IQCH: variants seen among roughly 807,000 people sequenced by gnomAD.
The protein encoded by IQCH is IQ domain-containing protein H.
Under a neutral mutation model 117.0 loss-of-function variants are expected in IQCH, and 98 were observed. The observed-to-expected ratio is 0.84, with a 90% confidence interval of 0.71 to 0.99. IQCH has a LOEUF of 0.99. Among genes scored for constraint, IQCH ranks in the 50% least tolerant of loss-of-function variants. The probability of loss-of-function intolerance (pLI) is 0.00; values close to 1 mark genes in which losing one functional copy is unlikely to be tolerated. For missense variants in IQCH, 1,102 were observed against 1,243.8 expected (o/e 0.89, Z 1.72); for synonymous variants, 412 against 448.2 (o/e 0.92, Z 1.02).
rs534657112 is a variant in IQCH at position 67,405,299 on chromosome 15, T to C, written c.2097+4994T>C. On this transcript the variant is annotated intron_variant, in intron 14 of 20. Coordinates refer to ENST00000335894, the MANE Select transcript of IQCH (RefSeq NM_001031715.3). The surrounding 1 kb of genome is among the most constrained non-coding windows in gnomAD (Gnocchi z 4.8). ...ATCTTGATGTCTTAGATTATCTTTA[T>C]GTATTTAGTGGTTGCCAGAACACTG... The C allele has an allele frequency of 6.6e-6, 1 of 152,346 alleles. No homozygotes were observed. The highest frequency in any genetic ancestry group is 6.5e-5 in the Admixed American group (1 of 15,296). The allele number at this position is 152,346 out of a possible 1,614,324, so 9.4% of individuals were successfully genotyped here.
Position 67,289,896 on chromosome 15 carries a change from A to G in IQCH, c.387+10384A>G, listed in dbSNP as rs549139065. Among the ~76,000 whole-genome samples, 4 of 152,194 alleles carry G rather than the reference A, an allele frequency of 2.6e-5. No individual in the cohort carries two copies. The South Asian group carries it at 8.3e-4, about 32-fold the overall frequency. ...AAAACCAAACAATATATATTACACA[A>G]ACTTTCATGTAACAAAGTTTGAGTC... On this transcript the variant is annotated intron_variant, in intron 4 of 20. Coordinates refer to ENST00000335894, the MANE Select transcript of IQCH (RefSeq NM_001031715.3).
At chr15:67,419,744 T>G (rs1183108580) in intron 15 of IQCH, among the ~76,000 whole-genome samples, 1 of 152,102 alleles carries the variant, frequency 6.6e-6, no homozygotes, top group Non-Finnish European at 1.5e-5. Context: ...ATTCACAATT[T>G]TTTTGTAGAG....
At chr15:67,285,351 C>T (rs1001383982) in intron 4 of IQCH, among the ~76,000 whole-genome samples, 4 of 151,294 alleles carry the variant, frequency 2.6e-5, no homozygotes, top group Admixed American at 2.0e-4. Flanking sequence ...CATCCTTTGT[C>T]GGTTACATAG....
chr15:67,465,373 G>A lies in IQCH; in HGVS notation c.2676+76G>A, dbSNP rs2082905404. ...GCCACTGCCTGAGCTCTGTCTAGGA[G>A]CCAGGATCTTTGAGTACAGGAAGAA... On this transcript the variant is annotated intron_variant, in intron 17 of 20. Transcript: ENST00000335894. This position sits in a 1 kb window ranked among gnomAD's most constrained non-coding sequence, Gnocchi z 5.9. The A allele has an allele frequency of 6.8e-7, 1 of 1,466,248 alleles. No homozygotes were observed. Among genetic ancestry groups the A allele is most frequent in the Non-Finnish European group, 9.3e-7 (1 of 1,074,314 alleles). 90.8% of individuals were successfully genotyped at this position (1,466,248 alleles called of 1,614,324 possible).
At chr15:67,461,278 C>T (rs2082786086) in intron 16 of IQCH, among the ~76,000 whole-genome samples, 1 of 152,200 alleles carries the variant, frequency 6.6e-6, no homozygotes, top group African/African-American at 2.4e-5. Flanking sequence ...GGAGGAGGTG[C>T]TCAGTGAATA....
At chr15:67,322,195 T>C (rs1968167692) in intron 4 of IQCH, among the ~76,000 whole-genome samples, 1 of 152,232 alleles carries the variant, frequency 6.6e-6, no homozygotes, top group Non-Finnish European at 1.5e-5. Context: ...TAAGAAACTT[T>C]CATCTGTTTA....
chr15:67,324,474 G>A (rs1596183556), intron 4 of IQCH, among the ~76,000 whole-genome samples: 1 of 151,942 alleles, frequency 6.6e-6, no homozygotes, highest in African/African-American at 2.4e-5. Flanking sequence ...GCCAGGCGTG[G>A]TGGCACATGC....
chr15:67,461,054 A>T (rs1366030911), intron 16 of IQCH, among the ~76,000 whole-genome samples: 2 of 152,142 alleles, frequency 1.3e-5, no homozygotes, highest in Non-Finnish European at 2.9e-5. Context: ...TTAGATTCTA[A>T]AGTTACCATC....
At chr15:67,256,165 A>C (rs1965182352) in intron 1 of IQCH, among the ~76,000 whole-genome samples, 2 of 152,354 alleles carry the variant, frequency 1.3e-5, no homozygotes, top group Middle Eastern at 3.4e-3. Context: ...CATACAAATT[A>C]ATCAGCCAAG....
chr15:67,354,533 T>G (rs1969804199), intron 6 of IQCH, among the ~76,000 whole-genome samples: 1 of 152,186 alleles, frequency 6.6e-6, no homozygotes, highest in Non-Finnish European at 1.5e-5. Context: ...TTTCTACTTC[T>G]CGATTAAAAG....
intron 4 of IQCH, among the ~76,000 whole-genome samples, chr15:67,286,753 C>T (rs34796890): frequency 0.2 from 30,031 of 151,726 alleles, 3,944 homozygotes; most frequent in East Asian, 0.48. Context: ...GGATTACAGG[C>T]GCAGGCCACC....
intron 4 of IQCH, among the ~76,000 whole-genome samples, chr15:67,294,458 T>A (rs1966841699): frequency 6.6e-6 from 1 of 152,158 alleles, no homozygotes; most frequent in East Asian, 1.9e-4. Context: ...TTCTGTCCAG[T>A]TAGTACCAAG....
intron 1 of IQCH, among the ~76,000 whole-genome samples, chr15:67,258,247 A>T (rs192118730): frequency 1.4e-3 from 172 of 125,774 alleles, no homozygotes; most frequent in African/African-American, 4.7e-3. Context: ...AAAAAAAAAA[A>T]GGCCAAGCGC....
intron 3 of IQCH, among the ~76,000 whole-genome samples, chr15:67,273,709 A>G (rs1966002432): frequency 6.6e-6 from 1 of 152,226 alleles, no homozygotes. Flanking sequence ...GTGTTACACC[A>G]CAGAGTATTA....
chr15:67,314,383 C>A (rs924459738), intron 4 of IQCH, among the ~76,000 whole-genome samples: 1 of 151,518 alleles, frequency 6.6e-6, no homozygotes, highest in African/African-American at 2.4e-5. Flanking sequence ...CCTTGTCTTC[C>A]CAATCTAATA....
At position 67,424,409 on chromosome 15, in the gene IQCH, C is replaced by T. The variant is rs970461172; in HGVS notation, c.2505+2832C>T. 3.3e-5 allele frequency among the ~76,000 whole-genome samples: 5 copies of T among 152,170 alleles called. No individual in the cohort carries two copies. The highest frequency in any genetic ancestry group is 9.7e-5 in the African/African-American group (4 of 41,422). ...TGTGTAGCTGTGTGTGAGCATTCCTCGTACCACTTATCTCAGTTACAAATT... is the reference window on the plus strand; with the variant it reads ...TGTGTAGCTGTGTGTGAGCATTCCTTGTACCACTTATCTCAGTTACAAATT... On this transcript the variant is annotated intron_variant, in intron 16 of 20. Coordinates refer to ENST00000335894, the MANE Select transcript of IQCH (RefSeq NM_001031715.3). This position sits in a 1 kb window ranked among gnomAD's most constrained non-coding sequence, Gnocchi z 4.9.
In IQCH at chr15:67,406,608, G is replaced by T. The variant is rs1263088247; in HGVS notation, c.2097+6303G>T. On this transcript the variant is annotated intron_variant, in intron 14 of 20. Transcript: ENST00000335894. This position sits in a 1 kb window ranked among gnomAD's most constrained non-coding sequence, Gnocchi z 4.5. ...TAATTTTTTTAGTCTCCTATTCCAG[G>T]TTGACATAGTAAACTGCCTTTTAAG... 6.6e-6 allele frequency: 1 copy of T among 152,102 alleles called. No individual in the cohort carries two copies. The highest frequency in any genetic ancestry group is 1.5e-5 in the Non-Finnish European group (1 of 68,024). 9.4% of individuals were successfully genotyped at this position (152,102 alleles called of 1,614,324 possible).
At position 67,395,356 on chromosome 15, in the gene IQCH, T is replaced by A. The variant is rs779036020; in HGVS notation, c.1698T>A (p.Asn566Lys). ...CCAAGGCAATCAAAAGAATAAAAAA[T>A]CTCATCCGAGGAACAGAGGCCTACA... ...YSPKAIKRIK[N>K]LIRGTEAYIV... Residue 566 changes from asparagine (N) to lysine (K), a missense_variant, in exon 13 of 21, where the codon AAT becomes AAA. By Grantham distance (94) the Asn-to-Lys change is moderately conservative (BLOSUM62 0). This residue lies in a region of IQCH where 650 missense variants were observed against 794.3 expected (regional missense o/e 0.82). Coordinates refer to ENST00000335894, the MANE Select transcript of IQCH (RefSeq NM_001031715.3). This position sits in a 1 kb window ranked among gnomAD's most constrained non-coding sequence, Gnocchi z 4.0. The A allele has an allele frequency of 4.3e-6, 7 of 1,613,932 alleles. No homozygotes were observed. In the East Asian group the frequency reaches 8.9e-5, roughly 21 times the overall value.
rs572117983 is a variant in IQCH at position 67,369,477 on chromosome 15, G to A, written c.754-2634G>A. Among the ~76,000 whole-genome samples the A allele has an allele frequency of 6.6e-6, 1 of 150,704 alleles. No homozygotes were observed. Among genetic ancestry groups the A allele is most frequent in the African/African-American group, 2.5e-5 (1 of 40,782 alleles). ...CACATCTTAAAAAAGGAGGGAAAGA[G>A]AGAGGAAGGAAGAGAAAAAGAAAAA... On this transcript the variant is annotated intron_variant, in intron 8 of 20. Transcript: ENST00000335894. The surrounding 1 kb of genome is among the most constrained non-coding windows in gnomAD (Gnocchi z 5.2).
Sources: gnomAD v4.1 joint callset for allele counts (sites outside exome capture counted in the v4.1 genomes callset) on GRCh38, gnomAD v4.1.1 for gene constraint, gnomAD v4.1.1 regional missense constraint, Gnocchi (gnomAD v3.1) non-coding constraint, MANE v1.5 for transcripts, NCBI Gene and HGNC (gene_info 2026-07-23, HGNC 2026-07-21) for gene names.